Variants in BNC2 observed in about 807,000 individuals in gnomAD.
BNC2 encodes the protein zinc finger protein basonuclin-2.
BNC2 carries 20 observed loss-of-function variants against 76.3 expected under a neutral mutation model. The observed-to-expected ratio is 0.26, with a 90% CI of 0.18 to 0.38. The LOEUF is 0.38. Ranked by LOEUF, BNC2 falls within the 10% of genes least tolerant of loss-of-function variation. The pLI is 1.00. For missense variants in BNC2, 1,382 were observed against 1,399.8 expected (o/e 0.99, Z 0.20); for synonymous variants, 582 against 514.8 (o/e 1.13, Z -1.77).
chr9:16,610,308 G>C (rs1330757190), intron 3 of BNC2, among the ~76,000 whole-genome samples: 2 of 152,098 alleles, frequency 1.3e-5, no homozygotes, highest in Non-Finnish European at 2.9e-5. Flanking sequence ...TTTCATGCCT[G>C]CCAGATGCAC....
At chr9:16,575,136 G>C (rs1046280175) in intron 4 of BNC2, 2 of 364,606 alleles carry the variant, frequency 5.5e-6, no homozygotes, top group Non-Finnish European at 7.6e-6. Context: ...ACATTTCACA[G>C]ATGACAGAAC....
chr9:16,457,211 T>G (rs1178757696), intron 5 of BNC2, among the ~76,000 whole-genome samples: 1 of 152,176 alleles, frequency 6.6e-6, no homozygotes, highest in Admixed American at 6.5e-5. Flanking sequence ...GAAGATCATA[T>G]GGAACAAGGG....
At chr9:16,431,572 T>C (rs2130794990) in intron 6 of BNC2, 1 of 362,348 alleles carries the variant, frequency 2.8e-6, no homozygotes, top group South Asian at 2.1e-5. Flanking sequence ...AGCAGACAGA[T>C]CAAGGGATAA....
At chr9:16,582,583 G>A (rs959975766) in intron 4 of BNC2, among the ~76,000 whole-genome samples, 3 of 152,104 alleles carry the variant, frequency 2.0e-5, no homozygotes, top group Non-Finnish European at 4.4e-5. Flanking sequence ...ATACGACAAG[G>A]GTGAGCAGTC....
At chr9:16,563,039 G>C (rs6475062) in intron 4 of BNC2, among the ~76,000 whole-genome samples, 27,637 of 152,094 alleles carry the variant, frequency 0.18, 4,828 homozygotes, top group African/African-American at 0.45. Flanking sequence ...TTTATTTGAA[G>C]TGAAATGTGA....
intron 3 of BNC2, among the ~76,000 whole-genome samples, chr9:16,656,527 C>CA (rs1821935654): frequency 6.6e-6 from 1 of 152,056 alleles, no homozygotes; most frequent in Non-Finnish European, 1.5e-5. Context: ...AACTGGTATA[C>CA]AAAAAACCAC....
chr9:16,757,568 T>C (rs1439553730), intron 1 of BNC2, among the ~76,000 whole-genome samples: 3 of 152,198 alleles, frequency 2.0e-5, no homozygotes, highest in Non-Finnish European at 4.4e-5. Flanking sequence ...ATTCCTACAT[T>C]TCCTTAAGCC....
At chr9:16,816,955 A>T (rs983791090) in intron 1 of BNC2, among the ~76,000 whole-genome samples, 1 of 152,226 alleles carries the variant, frequency 6.6e-6, no homozygotes, top group African/African-American at 2.4e-5. Context: ...GTTTAGAAGG[A>T]CTTTTGTGTC....
In BNC2 at chr9:16,498,870, C is replaced by T. The variant is rs568563942; in HGVS notation, c.669+53660G>A. On this transcript the variant is annotated intron_variant, in intron 5 of 6. Coordinates refer to ENST00000380672, the MANE Select transcript of BNC2 (RefSeq NM_017637.6). ...TTCTCAGTGGCCCGCAGAGGAGGTG[C>T]GTGTCCCTGCCAGGGGTTGTCACCA... Among the ~76,000 whole-genome samples, 50 of 152,016 alleles carry T rather than the reference C, an allele frequency of 3.3e-4. 1 individual carries two copies. Among genetic ancestry groups the T allele is most frequent in the Admixed American group, 1.4e-3 (22 of 15,240 alleles).
chr9:16,599,691 G>C (rs948672370), intron 3 of BNC2, among the ~76,000 whole-genome samples: 2 of 152,190 alleles, frequency 1.3e-5, no homozygotes, highest in African/African-American at 4.8e-5. Context: ...GGCTGAGGCA[G>C]GAGAATCACT....
At position 16,440,553 on chromosome 9, in the gene BNC2, ATATACT is replaced by A. The variant is rs140981769; in HGVS notation, c.670-3035_670-3030del. 1.6e-3 allele frequency among the ~76,000 whole-genome samples: 246 copies of A among 152,298 alleles called. 3 individuals carry two copies. Among genetic ancestry groups the A allele is most frequent in the South Asian group, 8.3e-4 (4 of 4,822 alleles). ...CTGTACCTAAATCTACATGTCAGTGATATACTTATACAACTGGCAGCCTCTGGCATT... is the reference window on the plus strand; with the variant it reads ...CTGTACCTAAATCTACATGTCAGTGATATACAACTGGCAGCCTCTGGCATT... On this transcript the variant is annotated intron_variant, in intron 5 of 6. Coordinates refer to ENST00000380672, the MANE Select transcript of BNC2 (RefSeq NM_017637.6).
chr9:16,709,055 C>A (rs1042867177), intron 3 of BNC2, among the ~76,000 whole-genome samples: 1 of 152,160 alleles, frequency 6.6e-6, no homozygotes. Flanking sequence ...GAGGCAGCTT[C>A]GGCTTCACCG....
intron 3 of BNC2, among the ~76,000 whole-genome samples, chr9:16,598,322 A>G (rs1353462051): frequency 6.6e-6 from 1 of 152,240 alleles, no homozygotes; most frequent in African/African-American, 2.4e-5. Flanking sequence ...ATTAAAAAAT[A>G]AAAGTGATGA....
chr9:16,567,444 T>C (rs1819201928), intron 4 of BNC2, among the ~76,000 whole-genome samples: 1 of 152,228 alleles, frequency 6.6e-6, no homozygotes. Flanking sequence ...AAAGAACACA[T>C]CTATCACATG....
chr9:16,548,614 A>G (rs1205598375), intron 5 of BNC2, among the ~76,000 whole-genome samples: 2 of 152,176 alleles, frequency 1.3e-5, no homozygotes, highest in Non-Finnish European at 2.9e-5. Flanking sequence ...CATATTGGCC[A>G]GGCTGGTCTC....
At chr9:16,689,469 A>T (rs549681969) in intron 3 of BNC2, among the ~76,000 whole-genome samples, 1 of 152,260 alleles carries the variant, frequency 6.6e-6, no homozygotes, top group Admixed American at 6.5e-5. Flanking sequence ...TGCCTGATAG[A>T]CACTATGAAA....
Position 16,614,874 on chromosome 9 carries a change from T to C in BNC2, c.331-31789A>G, listed in dbSNP as rs541227515. Among the ~76,000 whole-genome samples, 83 of 150,328 alleles carry C rather than the reference T, an allele frequency of 5.5e-4. 1 individual carries two copies. The highest frequency in any genetic ancestry group is 2.0e-3 in the African/African-American group (80 of 40,726). On this transcript the variant is annotated intron_variant, in intron 3 of 6. Coordinates refer to ENST00000380672, the MANE Select transcript of BNC2 (RefSeq NM_017637.6). Reference sequence around the variant, plus strand: ...GGGAAGTCGAGGTGGAAAGATTACTTGATCTCTGGAGGTCAAGGCTGCAGT... The same window carrying C: ...GGGAAGTCGAGGTGGAAAGATTACTCGATCTCTGGAGGTCAAGGCTGCAGT...
chr9:16,522,818 A>G (rs1157632066), intron 5 of BNC2, among the ~76,000 whole-genome samples: 2 of 152,096 alleles, frequency 1.3e-5, no homozygotes, highest in Non-Finnish European at 2.9e-5. Flanking sequence ...GGCACTTTAT[A>G]TTCTCCTGAG....
At chr9:16,563,752 TTTCTCTTTTTTGTAA>T (rs879339619) in intron 4 of BNC2, among the ~76,000 whole-genome samples, 24 of 152,312 alleles carry the variant, frequency 1.6e-4, no homozygotes, top group Non-Finnish European at 3.2e-4. Context: ...TAGTGTACCT[TTTCTCTTTTTTGTAA>T]TAAGTACTAT....
Sources: allele counts gnomAD v4.1 joint callset (sites outside exome capture counted in the v4.1 genomes callset), GRCh38; gene constraint gnomAD v4.1.1; transcripts MANE v1.5; gene names NCBI Gene and HGNC (gene_info 2026-07-23, HGNC 2026-07-21).